Variants in SLC30A7 observed in about 807,000 individuals in gnomAD.
The protein encoded by SLC30A7 is zinc transporter 7.
SLC30A7 carries 35 observed loss-of-function variants against 46.0 expected under a neutral mutation model. That is an observed-to-expected ratio of 0.76 (90% CI 0.58 to 1.01). The LOEUF (loss-of-function observed/expected upper bound fraction) is 1.01. Among genes scored for constraint, SLC30A7 ranks in the 50% least tolerant of loss-of-function variants. The pLI, the probability that SLC30A7 is intolerant of heterozygous loss-of-function variation, is 0.00. For missense variants in SLC30A7, 464 were observed against 451.1 expected (o/e 1.03, Z -0.26); for synonymous variants, 147 against 157.8 (o/e 0.93, Z 0.51).
At position 100,896,165 on chromosome 1, in the gene SLC30A7, T is replaced by C. The variant is rs1650902285; in HGVS notation, c.-98T>C. The C allele has an allele frequency of 9.4e-7, 1 of 1,067,244 alleles. No individual in the cohort carries two copies. The highest frequency in any genetic ancestry group is 1.4e-6 in the Non-Finnish European group (1 of 691,664). 66.1% of individuals were successfully genotyped at this position (1,067,244 alleles called of 1,614,324 possible). On this transcript the variant is annotated 5_prime_UTR_variant, in exon 1 of 11. Coordinates refer to ENST00000357650, the MANE Select transcript of SLC30A7 (RefSeq NM_133496.5). The stretch of plus-strand genomic sequence containing the variant: ...GCGGCGCGCGGCCCCGGACAAGCGC[T>C]GGGGATTCCCGTTTGAGGCGTCACT...
chr1:100,951,033 T>C (rs1227865111), intron 8 of SLC30A7, among the ~76,000 whole-genome samples: 2 of 152,128 alleles, frequency 1.3e-5, no homozygotes, highest in African/African-American at 4.8e-5. Flanking sequence ...GTTATCCCAC[T>C]GGAGGGGAAG....
Position 100,977,014 on chromosome 1 carries a change from A to AT in SLC30A7, c.*2159dup, listed in dbSNP as rs143913938. On this transcript the variant is annotated 3_prime_UTR_variant, in exon 11 of 11. Transcript: ENST00000357650. The stretch of plus-strand genomic sequence containing the variant: ...GGTTTTTCTACAAATATAAGTAGTC[A>AT]TTAGAAGTTTGCAACCACCACCAAG... 0.28 allele frequency: 41,937 copies of AT among 152,082 alleles called. 6,018 individuals are homozygous for AT. The highest frequency in any genetic ancestry group is 0.35 in the African/African-American group (14,580 of 41,274). 9.4% of individuals were successfully genotyped at this position (152,082 alleles called of 1,614,324 possible).
intron 6 of SLC30A7, among the ~76,000 whole-genome samples, chr1:100,915,075 G>A (rs943266893): frequency 6.6e-5 from 8 of 120,956 alleles, no homozygotes; most frequent in Admixed American, 3.2e-4. Context: ...AAACATATCC[G>A]TTCCCACTGA....
chr1:100,965,175 A>C (rs556369515), intron 9 of SLC30A7, among the ~76,000 whole-genome samples: 17 of 152,236 alleles, frequency 1.1e-4, no homozygotes, highest in African/African-American at 4.1e-4. Flanking sequence ...ATTTCTGGAG[A>C]TAGGTAGTTA....
At chr1:100,986,320 A>G (rs1421930068), downstream of SLC30A7, among the ~76,000 whole-genome samples, 6 of 152,116 alleles carry the variant, frequency 3.9e-5, no homozygotes, top group Non-Finnish European at 8.8e-5. Context: ...GAGACATGAG[A>G]ATAGCTTGAA....
chr1:100,985,489 A>G (rs1657211364), downstream of SLC30A7, among the ~76,000 whole-genome samples: 1 of 152,246 alleles, frequency 6.6e-6, no homozygotes, highest in Non-Finnish European at 1.5e-5. Context: ...AAGAATGTTA[A>G]AGGAACCACA....
intron 8 of SLC30A7, among the ~76,000 whole-genome samples, chr1:100,946,907 G>C (rs971003901): frequency 1.3e-5 from 2 of 152,210 alleles, no homozygotes; most frequent in African/African-American, 2.4e-5. Flanking sequence ...CTGTGAATCT[G>C]TCTGGTCCTG....
At chr1:100,922,988 T>C (rs1169771657) in intron 8 of SLC30A7, among the ~76,000 whole-genome samples, 2 of 150,424 alleles carry the variant, frequency 1.3e-5, no homozygotes, top group African/African-American at 2.4e-5. Context: ...TTATAGCTTG[T>C]AGTTTGTTAG....
At chr1:100,912,085 T>C (rs1570516551) in intron 4 of SLC30A7, 27 bp from the exon 5 acceptor site, 1 of 1,600,592 alleles carries the variant, frequency 6.2e-7, no homozygotes, top group Non-Finnish European at 8.5e-7. Flanking sequence ...ATATCTATGC[T>C]ATTTGTTTGT....
intron 8 of SLC30A7, among the ~76,000 whole-genome samples, chr1:100,956,942 G>T (rs1308603893): frequency 2.0e-5 from 3 of 152,196 alleles, no homozygotes; most frequent in African/African-American, 7.2e-5. Context: ...TTTGATGACT[G>T]ATTTCCATTG....
Position 100,912,150 on chromosome 1 carries a change from G to T in SLC30A7, c.423G>T (p.Leu141=). Residue 141 remains leucine (L), a synonymous_variant, in exon 5 of 11, where the codon CTG becomes CTT. Transcript: ENST00000357650. ...LAPPDVHHER[L]LLVSILGFVV... Reference sequence around the variant, plus strand: ...CTCCAGATGTCCACCATGAGAGACTGCTTCTTGTTTCCATTCTTGGGTTTG... The same window carrying T: ...CTCCAGATGTCCACCATGAGAGACTTCTTCTTGTTTCCATTCTTGGGTTTG... The T allele has an allele frequency of 3.1e-6, 5 of 1,613,878 alleles. No individual in the cohort carries two copies. Among genetic ancestry groups the T allele is most frequent in the Non-Finnish European group, 4.2e-6 (5 of 1,179,812 alleles).
Position 100,896,653 on chromosome 1 carries a change from AC to A in SLC30A7, c.165del (p.Tyr55Ter). ...NLSFAFVELLYGIWSNCLGLI... is the reference protein window; with the variant it reads ...NLSFAFVELLXGIWSNCLGLI... ...TCTTTCGCTTTTGTGGAACTACTCT[AC>A]GGCATCTGGAGCAACTGGTAACCAA... On this transcript the variant is annotated frameshift_variant, in exon 2 of 11. Coordinates refer to ENST00000357650, the MANE Select transcript of SLC30A7 (RefSeq NM_133496.5). LOFTEE classifies it high-confidence loss of function. The A allele has an allele frequency of 1.2e-6, 2 of 1,613,902 alleles. No homozygotes were observed. Among genetic ancestry groups the A allele is most frequent in the Non-Finnish European group, 1.7e-6 (2 of 1,179,952 alleles).
At chr1:100,994,053 A>C in the SLC30A7 span, among the ~76,000 whole-genome samples, 58 of 152,152 alleles carry the variant, frequency 3.8e-4, no homozygotes, top group Non-Finnish European at 7.5e-4. Flanking sequence ...AAAAAGGCAA[A>C]AATTTTAATA....
intron 6 of SLC30A7, among the ~76,000 whole-genome samples, chr1:100,915,726 T>C (rs190478170): frequency 1.8e-4 from 28 of 152,360 alleles, no homozygotes; most frequent in Non-Finnish European, 3.2e-4. Flanking sequence ...TTGTGAATAA[T>C]GCTGTAGTGA....
chr1:100,985,429 G>T (rs1382969849), downstream of SLC30A7, among the ~76,000 whole-genome samples: 2 of 152,046 alleles, frequency 1.3e-5, no homozygotes, highest in Non-Finnish European at 2.9e-5. Context: ...TCATTCTAAC[G>T]TTTATATGGA....
At chr1:100,995,620 A>C in the SLC30A7 span, 2 of 156,290 alleles carry the variant, frequency 1.3e-5, no homozygotes, top group Admixed American at 1.2e-4. Context: ...AATTCTAAGT[A>C]TTCATGCTTT....
intron 8 of SLC30A7, among the ~76,000 whole-genome samples, chr1:100,958,873 G>A (rs1655387437): frequency 6.6e-6 from 1 of 152,184 alleles, no homozygotes; most frequent in Non-Finnish European, 1.5e-5. Flanking sequence ...TGTAGTAATA[G>A]TATAGGTAGC....
intron 3 of SLC30A7, among the ~76,000 whole-genome samples, chr1:100,909,504 A>G (rs1557977014): frequency 6.6e-6 from 1 of 152,116 alleles, no homozygotes; most frequent in Admixed American, 6.5e-5. Context: ...GAATCTAAAC[A>G]CTAGCCATAC....
At chr1:100,927,463 G>C (rs946041241) in intron 8 of SLC30A7, among the ~76,000 whole-genome samples, 1 of 152,108 alleles carries the variant, frequency 6.6e-6, no homozygotes, top group African/African-American at 2.4e-5. Flanking sequence ...AGACAGAGTA[G>C]CTTCGAGAGA....
Sources: gnomAD v4.1 joint callset for allele counts (sites outside exome capture counted in the v4.1 genomes callset) on GRCh38, gnomAD v4.1.1 for gene constraint, MANE v1.5 for transcripts, NCBI Gene and HGNC (gene_info 2026-07-23, HGNC 2026-07-21) for gene names.